The following TENM1 variants were observed in gnomAD, a reference collection of about 807,000 sequenced individuals.
TENM1 encodes the protein teneurin-1.
A neutral mutation model predicts 174.8 loss-of-function variants in TENM1; 35 were observed. That is an observed-to-expected ratio of 0.20 (90% confidence interval 0.15 to 0.27). TENM1 has a LOEUF of 0.27. Among genes scored for constraint, TENM1 ranks in the 10% least tolerant of loss-of-function variants. The pLI, the probability that TENM1 is intolerant of heterozygous loss-of-function variation, is 1.00. For synonymous variants in TENM1, 781 were observed against 798.7 expected (o/e 0.98, Z 0.37); for missense variants, 1,633 against 2,130.1 (o/e 0.77, Z 4.59).
chrX:124,488,938 G>C (rs1259324748), intron 20 of TENM1, among the ~76,000 whole-genome samples: 1 of 112,697 alleles, frequency 8.9e-6, no homozygotes, highest in Non-Finnish European at 1.9e-5. Flanking sequence ...ATGTCACTGT[G>C]AATTTGGAAA....
At chrX:125,157,012 C>T in the TENM1 span, among the ~76,000 whole-genome samples, 3 of 112,272 alleles carry the variant, frequency 2.7e-5, no homozygotes, top group South Asian at 7.4e-4. Flanking sequence ...AATGATGGCT[C>T]CTATCCTCAT....
At chrX:124,935,521 A>G (rs1359633675) in intron 1 of TENM1, among the ~76,000 whole-genome samples, 1 of 111,984 alleles carries the variant, frequency 8.9e-6, no homozygotes, top group Non-Finnish European at 1.9e-5. Context: ...CTTTTTTTTC[A>G]GTCTCCTTAT....
chrX:125,038,968 C>G, the TENM1 span, among the ~76,000 whole-genome samples: 3 of 111,661 alleles, frequency 2.7e-5, no homozygotes, highest in Admixed American at 9.5e-5. Flanking sequence ...AAGGGACTGA[C>G]TTCTTCATGT....
intron 3 of TENM1, among the ~76,000 whole-genome samples, chrX:124,835,689 C>T (rs1268480845): frequency 9.0e-6 from 1 of 111,565 alleles, no homozygotes; most frequent in Non-Finnish European, 1.9e-5. Flanking sequence ...GATTTGTTTT[C>T]AGTTTGTCTG....
At chrX:124,485,216 T>C (rs1453666721) in intron 21 of TENM1, among the ~76,000 whole-genome samples, 1 of 111,497 alleles carries the variant, frequency 9.0e-6, no homozygotes, top group Non-Finnish European at 1.9e-5. Flanking sequence ...TCAATTGGAA[T>C]ACTTAATCTT....
intron 11 of TENM1, among the ~76,000 whole-genome samples, chrX:124,574,614 C>A (rs888692873): frequency 1.8e-5 from 2 of 110,826 alleles, no homozygotes; most frequent in Admixed American, 9.7e-5. Context: ...AATGAATGAG[C>A]CTGAATAGAC....
the TENM1 span, among the ~76,000 whole-genome samples, chrX:125,060,010 T>C: frequency 1.8e-5 from 2 of 108,915 alleles, no homozygotes. Context: ...AAAAAAAAAA[T>C]CCTACCTTCA....
At position 124,776,766 on chromosome X, in the gene TENM1, G is replaced by C. The variant is rs1191838928; in HGVS notation, c.536-39569C>G. On this transcript the variant is annotated intron_variant, in intron 3 of 31. Transcript: ENST00000422452. ...TCTGGACATGTTGGAAATTAGATGGGCTGGACACACAAATATTCCTTTTTT... is the reference window on the plus strand; with the variant it reads ...TCTGGACATGTTGGAAATTAGATGGCCTGGACACACAAATATTCCTTTTTT... Among the ~76,000 whole-genome samples, 5 of 111,314 alleles carry C rather than the reference G, an allele frequency of 4.5e-5. 1 individual carries two copies. The highest frequency in any genetic ancestry group is 1.9e-5 in the Non-Finnish European group (1 of 53,027).
chrX:125,049,304 T>C, the TENM1 span, among the ~76,000 whole-genome samples: 6 of 112,273 alleles, frequency 5.3e-5, no homozygotes, highest in Non-Finnish European at 1.1e-4. Flanking sequence ...GATTTGGCTA[T>C]CTTTGGCATT....
the TENM1 span, among the ~76,000 whole-genome samples, chrX:125,121,088 T>C: frequency 8.9e-6 from 1 of 111,837 alleles, no homozygotes; most frequent in Non-Finnish European, 1.9e-5. Flanking sequence ...AGGAGACAAG[T>C]GTACAGCAAA....
intron 3 of TENM1, among the ~76,000 whole-genome samples, chrX:124,876,758 C>G (rs1333785839): frequency 8.9e-6 from 1 of 111,893 alleles, no homozygotes; most frequent in Admixed American, 9.5e-5. Flanking sequence ...AAAATTTTCT[C>G]TCCCTTCTGA....
At chrX:125,009,096 T>A in the TENM1 span, among the ~76,000 whole-genome samples, 5 of 87,881 alleles carry the variant, frequency 5.7e-5, no homozygotes, top group African/African-American at 2.3e-4. Context: ...ATCCAGGAGC[T>A]GTTTTTTTTT....
At chrX:124,916,527 G>T (rs754010900) in intron 1 of TENM1, among the ~76,000 whole-genome samples, 2 of 111,172 alleles carry the variant, frequency 1.8e-5, no homozygotes, top group Admixed American at 9.6e-5. Flanking sequence ...TTTCCAGGCT[G>T]GTCTCAAACT....
chrX:124,645,364 T>C, intron 9 of TENM1, 27 bp from the exon 13 acceptor site: 1 of 1,179,984 alleles, frequency 8.5e-7, no homozygotes, highest in Non-Finnish European at 1.1e-6. Context: ...GAACTTGTAA[T>C]GTTCTCATAA....
At chrX:124,621,691 A>G (rs1569348234) in intron 11 of TENM1, among the ~76,000 whole-genome samples, 1 of 112,103 alleles carries the variant, frequency 8.9e-6, no homozygotes, top group African/African-American at 3.2e-5. Context: ...TAGTGCGCAA[A>G]AAGTTTGAGA....
At chrX:124,874,971 CATTAT>C (rs2057173101) in intron 3 of TENM1, among the ~76,000 whole-genome samples, 1 of 111,329 alleles carries the variant, frequency 9.0e-6, no homozygotes, top group South Asian at 3.7e-4. Flanking sequence ...AATCTATCAT[CATTAT>C]ATTATGTTTT....
chrX:125,165,013 G>C, the TENM1 span, among the ~76,000 whole-genome samples: 3 of 111,960 alleles, frequency 2.7e-5, no homozygotes, highest in Non-Finnish European at 5.7e-5. Flanking sequence ...GGTTGCTAAA[G>C]CTGGCATAAA....
chrX:124,709,918 A>G (rs1391912621), intron 4 of TENM1, among the ~76,000 whole-genome samples: 1 of 111,339 alleles, frequency 9.0e-6, no homozygotes, highest in Non-Finnish European at 1.9e-5. Flanking sequence ...GAAAACCTAA[A>G]AGAGTTACTA....
At chrX:125,012,132 A>C in the TENM1 span, among the ~76,000 whole-genome samples, 1 of 111,706 alleles carries the variant, frequency 9.0e-6, no homozygotes. Flanking sequence ...GGAGTTGAAC[A>C]ATGACAACAC....
Sources: allele counts gnomAD v4.1 joint callset (sites outside exome capture counted in the v4.1 genomes callset), GRCh38; gene constraint gnomAD v4.1.1; transcripts MANE v1.5; gene names NCBI Gene and HGNC (gene_info 2026-07-23, HGNC 2026-07-21).